NEBL: variants seen among roughly 807,000 people sequenced by gnomAD.
The protein encoded by NEBL is LIM and SH3 protein 2.
NEBL carries 122 observed loss-of-function variants against 140.2 expected under a neutral mutation model. The ratio of observed to expected loss-of-function variants is 0.87; its 90% confidence interval spans 0.75 to 1.01. The LOEUF (loss-of-function observed/expected upper bound fraction) is 1.01. NEBL is among the 50% of genes least tolerant of loss of function. The pLI, the probability that NEBL is intolerant of heterozygous loss-of-function variation, is 0.00. For missense variants in NEBL, 1,365 were observed against 1,231.3 expected (o/e 1.11, Z -1.62); for synonymous variants, 436 against 398.9 (o/e 1.09, Z -1.11).
chr10:21,141,743 G>A (rs1399031559), intron 2 of NEBL, among the ~76,000 whole-genome samples: 1 of 152,186 alleles, frequency 6.6e-6, no homozygotes, highest in African/African-American at 2.4e-5. Flanking sequence ...GAAAATCTCA[G>A]AGTGTGTTAT....
chr10:21,104,477 A>G (rs1011666506), intron 2 of NEBL, among the ~76,000 whole-genome samples: 4 of 152,180 alleles, frequency 2.6e-5, no homozygotes, highest in Non-Finnish European at 5.9e-5. Context: ...CCAGTATTTC[A>G]TAAGTTTTGA....
intron 1 of NEBL, among the ~76,000 whole-genome samples, chr10:21,283,135 CA>C (rs35005779): frequency 3.3e-3 from 405 of 121,350 alleles, no homozygotes; most frequent in Middle Eastern, 8.1e-3. Flanking sequence ...GACTGTGTCT[CA>C]AAAAAAAAAA....
chr10:20,988,959 A>C (rs988320887), intron 3 of NEBL, among the ~76,000 whole-genome samples: 2 of 152,244 alleles, frequency 1.3e-5, no homozygotes. Flanking sequence ...TAGGTACTCA[A>C]TACATATTTG....
chr10:20,950,088 A>G (rs990829736), intron 4 of NEBL, among the ~76,000 whole-genome samples: 1 of 152,186 alleles, frequency 6.6e-6, no homozygotes, highest in African/African-American at 2.4e-5. Flanking sequence ...CATTTAGAAC[A>G]TTAGATGTAT....
In NEBL at chr10:20,888,209, T is replaced by A. The variant is rs904604682; in HGVS notation, c.259-2A>T. The A allele has an allele frequency of 7.8e-6, 12 of 1,540,016 alleles. No homozygotes were observed. In the Admixed American group the frequency reaches 1.8e-4, roughly 23 times the overall value. On this transcript the variant is annotated splice_acceptor_variant, in intron 3 of 27. Coordinates refer to ENST00000377122, the MANE Select transcript of NEBL (RefSeq NM_006393.3). LOFTEE classifies it high-confidence loss of function. ...TTTAATGGTGCCTTTGTATTTTGCC[T>A]GGGGGAAAAAAAAACAGGAAAAAAA...
At chr10:21,157,747 T>C (rs1046168167) in intron 2 of NEBL, among the ~76,000 whole-genome samples, 2 of 152,140 alleles carry the variant, frequency 1.3e-5, no homozygotes, top group Non-Finnish European at 2.9e-5. Flanking sequence ...AAAAAGTGTG[T>C]TAGAGTCCTA....
At chr10:20,938,163 G>A (rs552332183) in intron 4 of NEBL, among the ~76,000 whole-genome samples, 15 of 152,310 alleles carry the variant, frequency 9.8e-5, no homozygotes, top group African/African-American at 3.4e-4. Context: ...CCTGACCCCC[G>A]AGTAGCCTAG....
At chr10:21,226,205 T>C (rs531999437) in intron 3 of NEBL, among the ~76,000 whole-genome samples, 1 of 152,084 alleles carries the variant, frequency 6.6e-6, no homozygotes, top group Admixed American at 6.6e-5. Flanking sequence ...AATTGGGGCC[T>C]CAGGACTCTG....
At chr10:20,819,128 T>C (rs1033143148) in intron 20 of NEBL, 1 of 928,222 alleles carries the variant, frequency 1.1e-6, no homozygotes, top group Non-Finnish European at 1.4e-6. Flanking sequence ...TGAACTTGTG[T>C]TATGGGAGTT....
intron 2 of NEBL, among the ~76,000 whole-genome samples, chr10:21,096,335 C>A (rs555488909): frequency 6.6e-6 from 1 of 152,134 alleles, no homozygotes; most frequent in Non-Finnish European, 1.5e-5. Context: ...AACCATAATA[C>A]AATTTGCATA....
At chr10:21,120,616 C>G (rs528141027) in intron 2 of NEBL, among the ~76,000 whole-genome samples, 1 of 142,198 alleles carries the variant, frequency 7.0e-6, no homozygotes, top group South Asian at 2.3e-4. Context: ...AATACCGGTT[C>G]TCTCTCCCAT....
intron 24 of NEBL, among the ~76,000 whole-genome samples, chr10:20,812,395 A>G (rs1838239382): frequency 6.6e-6 from 1 of 151,940 alleles, no homozygotes; most frequent in Non-Finnish European, 1.5e-5. Flanking sequence ...ATACGTATAC[A>G]TGTGCCACGT....
chr10:20,968,987 C>G (rs1278478435), intron 3 of NEBL, among the ~76,000 whole-genome samples: 2 of 152,208 alleles, frequency 1.3e-5, no homozygotes. Context: ...ATGCTTCTTT[C>G]TCTCTCACTG....
At chr10:20,922,223 A>G (rs913177927) in intron 4 of NEBL, among the ~76,000 whole-genome samples, 5 of 152,204 alleles carry the variant, frequency 3.3e-5, no homozygotes, top group Admixed American at 6.5e-5. Context: ...CTGGCTGAGA[A>G]TTAAATGATT....
intron 1 of NEBL, among the ~76,000 whole-genome samples, chr10:21,259,839 G>A (rs573664741): frequency 2.0e-5 from 3 of 152,154 alleles, no homozygotes; most frequent in Admixed American, 2.0e-4. Flanking sequence ...AGAGGGCAGG[G>A]GGGTGGATCT....
chr10:21,134,265 C>T (rs565137912), intron 2 of NEBL, among the ~76,000 whole-genome samples: 3 of 152,002 alleles, frequency 2.0e-5, no homozygotes, highest in Non-Finnish European at 4.4e-5. Context: ...CCAAATTTTC[C>T]ATCCCACTGG....
intron 2 of NEBL, among the ~76,000 whole-genome samples, chr10:21,119,999 G>A (rs1447849348): frequency 6.6e-6 from 1 of 152,080 alleles, no homozygotes; most frequent in East Asian, 1.9e-4. Flanking sequence ...ACATAGTGCA[G>A]AGGAATGCTA....
intron 2 of NEBL, among the ~76,000 whole-genome samples, chr10:21,084,863 C>T (rs529815017): frequency 3.7e-4 from 57 of 152,322 alleles, no homozygotes; most frequent in Admixed American, 8.5e-4. Context: ...ACTTTACCAC[C>T]TGGTCTGGTC....
chr10:21,267,540 T>C (rs1373908444), intron 1 of NEBL, among the ~76,000 whole-genome samples: 1 of 152,224 alleles, frequency 6.6e-6, no homozygotes, highest in Non-Finnish European at 1.5e-5. Context: ...ACTTTGCCTT[T>C]ATGCAAACTG....
Sources: allele counts gnomAD v4.1 joint callset (sites outside exome capture counted in the v4.1 genomes callset), GRCh38; gene constraint gnomAD v4.1.1; transcripts MANE v1.5; gene names NCBI Gene and HGNC (gene_info 2026-07-23, HGNC 2026-07-21).